HFM1: variants seen among roughly 807,000 people sequenced by gnomAD.
The protein encoded by HFM1 is probable ATP-dependent DNA helicase HFM1.
In HFM1, 169 loss-of-function variants were observed where a neutral mutation model predicts 192.1. That is an observed-to-expected ratio of 0.88 (90% CI 0.78 to 1.00). The LOEUF is 1.00. Ranked by LOEUF, HFM1 falls within the 50% of genes least tolerant of loss-of-function variation. The pLI, the probability that HFM1 is intolerant of heterozygous loss-of-function variation, is 0.00. For missense variants in HFM1, 1,661 were observed against 1,668.0 expected, an observed-to-expected ratio of 1.00 and a Z score of 0.07; for synonymous variants, 525 against 537.8, an observed-to-expected ratio of 0.98 and a Z score of 0.33.
intron 25 of HFM1, among the ~76,000 whole-genome samples, chr1:91,318,608 A>G (rs563671084): frequency 7.0e-4 from 106 of 152,280 alleles, no homozygotes; most frequent in Middle Eastern, 3.4e-3. Context: ...CAGAATCTCT[A>G]TGAAAATCAG....
chr1:91,337,503 T>C (rs1411255943), intron 20 of HFM1, among the ~76,000 whole-genome samples: 3 of 152,128 alleles, frequency 2.0e-5, no homozygotes, highest in African/African-American at 4.8e-5. Context: ...AAATACTATG[T>C]AAGAAAATTA....
At chr1:91,340,551 T>A (rs1342644479) in intron 20 of HFM1, among the ~76,000 whole-genome samples, 1 of 152,040 alleles carries the variant, frequency 6.6e-6, no homozygotes, top group African/African-American at 2.4e-5. Context: ...CTACATAACA[T>A]AACATAACAA....
rs762416887 is a variant in HFM1, at chr1:91,378,369, T to C, written c.1236+34A>G. ...TTCTGTCTTATTCTAATTATCCTTTTATGTTTATCTCTGAAAGCGAATGCA... is the reference window on the plus strand; with the variant it reads ...TTCTGTCTTATTCTAATTATCCTTTCATGTTTATCTCTGAAAGCGAATGCA... On this transcript the variant is annotated intron_variant, in intron 10 of 38. Coordinates refer to ENST00000370425, the MANE Select transcript of HFM1 (RefSeq NM_001017975.6). The C allele has an allele frequency of 3.4e-6, 5 of 1,483,472 alleles. No individual in the cohort carries two copies. In the East Asian group the frequency reaches 6.8e-5, roughly 20 times the overall value. The allele number at this position is 1,483,472 out of a possible 1,614,324, so 91.9% of individuals were successfully genotyped here. A position where few individuals can be genotyped will look rare whatever the true frequency, so the allele number is the denominator to read the frequency against.
intron 1 of HFM1, among the ~76,000 whole-genome samples, chr1:91,403,848 CA>C (rs1307709474): frequency 6.6e-6 from 1 of 152,002 alleles, no homozygotes; most frequent in African/African-American, 2.4e-5. Flanking sequence ...GACAATTCAC[CA>C]TTTTGTCTTC....
intron 4 of HFM1, among the ~76,000 whole-genome samples, chr1:91,390,073 T>C (rs1662751043): frequency 6.6e-6 from 1 of 152,140 alleles, no homozygotes; most frequent in South Asian, 2.1e-4. Context: ...AACCCAAACA[T>C]CCATCAACTG....
At chr1:91,378,207 T>C in intron 10 of HFM1, 24 bp from the exon 11 acceptor site, 2 of 1,524,558 alleles carry the variant, frequency 1.3e-6, no homozygotes, top group South Asian at 1.2e-5. Flanking sequence ...CAAGAAAAAA[T>C]CATTAGCTAT....
intron 13 of HFM1, among the ~76,000 whole-genome samples, chr1:91,355,619 AG>A (rs1657616018): frequency 6.6e-6 from 1 of 152,172 alleles, no homozygotes; most frequent in Admixed American, 6.5e-5. Context: ...CAAGAGGCAA[AG>A]AAGGTCATAA....
At chr1:91,334,574 TTG>T (rs1216296384) in intron 20 of HFM1, among the ~76,000 whole-genome samples, 1 of 151,776 alleles carries the variant, frequency 6.6e-6, no homozygotes, top group Non-Finnish European at 1.5e-5. Context: ...AGCAGATTGG[TTG>T]TGGGTAGGAG....
chr1:91,394,505 G>A, intron 3 of HFM1, 103 bp from the exon 4 acceptor site: 1 of 698,002 alleles, frequency 1.4e-6, no homozygotes, highest in South Asian at 2.0e-5. Context: ...AAGTATGAAA[G>A]CCAAAAGCAA....
In HFM1 at chr1:91,313,228, A is replaced by C. The variant is rs572321146; in HGVS notation, c.3391+121T>G. 2.9e-5 allele frequency: 16 copies of C among 544,904 alleles called. No homozygotes were observed. The African/African-American group carries it at 3.1e-4, about 10-fold the overall frequency. 33.8% of individuals were successfully genotyped at this position (544,904 alleles called of 1,614,324 possible). A position where few individuals can be genotyped will look rare whatever the true frequency, so the allele number is the denominator to read the frequency against. On this transcript the variant is annotated intron_variant, in intron 30 of 38. Coordinates refer to ENST00000370425, the MANE Select transcript of HFM1 (RefSeq NM_001017975.6). ...ATATACTATTAATGAAATTACTATG[A>C]AGCTTAAATATCTTATTCCAGAGTA...
intron 13 of HFM1, among the ~76,000 whole-genome samples, chr1:91,363,244 C>G (rs1206699776): frequency 1.3e-5 from 2 of 151,926 alleles, no homozygotes; most frequent in East Asian, 3.9e-4. Flanking sequence ...AGTAAATAGA[C>G]AACCCACAGA....
intron 18 of HFM1, among the ~76,000 whole-genome samples, chr1:91,349,858 AC>A (rs557755085): frequency 1.3e-5 from 2 of 152,352 alleles, no homozygotes; most frequent in Non-Finnish European, 2.9e-5. Context: ...ACAATATGCC[AC>A]GATTTGTGTT....
intron 35 of HFM1, among the ~76,000 whole-genome samples, chr1:91,266,389 A>C (rs1665768098): frequency 6.6e-6 from 1 of 152,148 alleles, no homozygotes; most frequent in South Asian, 2.1e-4. Context: ...TCCTGTTTCT[A>C]ACTCTACTGG....
chr1:91,407,083 C>A (rs1664839442), upstream of HFM1, among the ~76,000 whole-genome samples: 1 of 152,094 alleles, frequency 6.6e-6, no homozygotes, highest in Non-Finnish European at 1.5e-5. Flanking sequence ...AATTCAGGGA[C>A]ATTAAATACA....
At chr1:91,302,641 G>A (rs1648970660) in intron 30 of HFM1, among the ~76,000 whole-genome samples, 2 of 152,110 alleles carry the variant, frequency 1.3e-5, no homozygotes, top group Admixed American at 1.3e-4. Flanking sequence ...TAGGGACATG[G>A]ATGACGCTGG....
At position 91,277,551 on chromosome 1, in the gene HFM1, A is replaced by G. The variant is rs1008134879; in HGVS notation, c.3392-489T>C. Among the ~76,000 whole-genome samples the G allele has an allele frequency of 4.5e-4, 61 of 135,808 alleles. 1 individual carries two copies. Among genetic ancestry groups the G allele is most frequent in the African/African-American group, 1.3e-3 (48 of 36,580 alleles). The allele number at this position is 135,808 out of a possible 152,430, so 89.1% of individuals were successfully genotyped here. A position where few individuals can be genotyped will look rare whatever the true frequency, so the allele number is the denominator to read the frequency against. On this transcript the variant is annotated intron_variant, in intron 30 of 38. Transcript: ENST00000370425. ...TGTATACTTTATATATATATAATAT[A>G]TATACTTTAAATATGTATAATATAT... is the stretch of plus-strand genomic sequence containing the variant.
At chr1:91,365,568 G>A (rs1659189281) in intron 13 of HFM1, among the ~76,000 whole-genome samples, 1 of 151,878 alleles carries the variant, frequency 6.6e-6, no homozygotes, top group African/African-American at 2.4e-5. Context: ...ATGAATTCTG[G>A]GTACATTAAA....
Position 91,313,362 on chromosome 1 carries a change from T to C in HFM1, c.3378A>G (p.Ala1126=). 1 of 1,570,544 alleles carries C rather than the reference T, an allele frequency of 6.4e-7. No individual in the cohort carries two copies. The highest frequency in any genetic ancestry group is 8.7e-7 in the Non-Finnish European group (1 of 1,149,780). The change falls in exon 30 of 39, where the codon GCA becomes GCG. Residue 1126 remains alanine, a synonymous_variant. Coordinates refer to ENST00000370425, the MANE Select transcript of HFM1 (RefSeq NM_001017975.6). ...HSKHSDISTI[A]GPNKGTTASK... ...ACAGCTATTTACCTTTATTAGGTCC[T>C]GCTATTGTAGATATGTCTGAATGTT...
At chr1:91,352,274 T>C (rs1386393882) in intron 16 of HFM1, among the ~76,000 whole-genome samples, 2 of 150,680 alleles carry the variant, frequency 1.3e-5, no homozygotes, top group Non-Finnish European at 3.0e-5. Context: ...TTTAACAGCA[T>C]ACCCATTCAT....
Sources: gnomAD v4.1 joint callset for allele counts (sites outside exome capture counted in the v4.1 genomes callset) on GRCh38, gnomAD v4.1.1 for gene constraint, MANE v1.5 for transcripts, NCBI Gene and HGNC (gene_info 2026-07-23, HGNC 2026-07-21) for gene names.